Variants in MLYCD observed in about 807,000 individuals in gnomAD.
The protein encoded by MLYCD is malonyl-CoA decarboxylase, also known as malonyl-CoA decarboxylase, mitochondrial.
A neutral mutation model predicts 35.8 loss-of-function variants in MLYCD; 27 were observed. The ratio of observed to expected loss-of-function variants is 0.75; its 90% CI spans 0.56 to 1.04. The LOEUF is 1.04. Ranked by LOEUF, MLYCD falls within the 50% of genes least tolerant of loss-of-function variation. The probability of loss-of-function intolerance (pLI) is 0.00; values close to 1 mark genes in which losing one functional copy is unlikely to be tolerated. For synonymous variants in MLYCD, 403 were observed against 302.4 expected, an observed-to-expected ratio of 1.33 and a Z score of -3.45; for missense variants, 917 against 665.1, an observed-to-expected ratio of 1.38 and a Z score of -4.17.
Position 83,915,095 on chromosome 16 carries a change from T to A in MLYCD, c.1088T>A (p.Ile363Asn), listed in dbSNP as rs748788635. ...ELFTDSECKEISEITGGPINE... is the reference protein window; with the variant it reads ...ELFTDSECKENSEITGGPINE... ...TTTACAGATTCGGAATGTAAGGAAA[T>A]CTCGGAGATCACAGGTGGCCCCATT... The change falls in exon 5 of 5, where the codon ATC (isoleucine) becomes AAC (asparagine). Residue 363 changes from isoleucine to asparagine, a missense_variant. Physicochemically the swap from Ile to Asn is moderately radical, Grantham distance 149. Coordinates refer to ENST00000262430, the MANE Select transcript of MLYCD (RefSeq NM_012213.3). The A allele has an allele frequency of 6.2e-7, 1 of 1,614,206 alleles. No individual in the cohort carries two copies. The highest frequency in any genetic ancestry group is 2.2e-5 in the East Asian group (1 of 44,882).
rs1490881076 is a variant in MLYCD at position 83,919,390 on chromosome 16, G to C, written c.*3901G>C. 6.8e-6 allele frequency: 1 copy of C among 147,782 alleles called. No homozygotes were observed. The highest frequency in any genetic ancestry group is 2.1e-4 in the East Asian group (1 of 4,768). The allele number at this position is 147,782 out of a possible 1,614,324, so 9.2% of individuals were successfully genotyped here. ...AGTGCACAGGAGAACACAGTGCACAGGAGAACACACACTGCACAGAACAAA... is the reference window on the plus strand; with the variant it reads ...AGTGCACAGGAGAACACAGTGCACACGAGAACACACACTGCACAGAACAAA... On this transcript the variant is annotated 3_prime_UTR_variant, in exon 5 of 5. Coordinates refer to ENST00000262430, the MANE Select transcript of MLYCD (RefSeq NM_012213.3).
intron 1 of MLYCD, among the ~76,000 whole-genome samples, chr16:83,904,385 G>A (rs2151055613): frequency 6.6e-6 from 1 of 152,246 alleles, no homozygotes; most frequent in East Asian, 1.9e-4. Context: ...AGGGCCTATG[G>A]TTTTTAGCAC....
At chr16:83,907,431 C>T (rs1907020069) in intron 2 of MLYCD, among the ~76,000 whole-genome samples, 1 of 152,184 alleles carries the variant, frequency 6.6e-6, no homozygotes, top group African/African-American at 2.4e-5. Context: ...ACTCACTGGA[C>T]CAAGCGTTTG....
At chr16:83,909,352 C>T (rs998672082) in intron 3 of MLYCD, among the ~76,000 whole-genome samples, 2 of 152,110 alleles carry the variant, frequency 1.3e-5, no homozygotes, top group Admixed American at 1.3e-4. Context: ...AGAATGGGCT[C>T]CAGGAGGGCG....
rs146465073 is a variant in MLYCD, at chr16:83,912,348, G to A, written c.929G>A (p.Arg310Gln). The change falls in exon 4 of 5, where the codon CGA becomes CAA. Residue 310 changes from arginine to glutamine, a missense_variant. Physicochemically the swap from Arg to Gln is conservative, Grantham distance 43 (BLOSUM62 1). Transcript: ENST00000262430. ...GVELGTFLIKRVVKELQREFP... is the reference protein window; with the variant it reads ...GVELGTFLIKQVVKELQREFP... ...GAGCTGGGAACATTCCTCATAAAGCGAGTCGTCAAGGAGTTGCAGGTAAGC... is the reference window on the plus strand; with the variant it reads ...GAGCTGGGAACATTCCTCATAAAGCAAGTCGTCAAGGAGTTGCAGGTAAGC... 202 of 1,614,164 alleles carry A rather than the reference G, an allele frequency of 1.3e-4. 1 individual carries two copies. In the African/African-American group the frequency reaches 1.8e-3, roughly 15 times the overall value.
intron 3 of MLYCD, chr16:83,911,809 C>T (rs1279283964): frequency 3.6e-5 from 9 of 249,136 alleles, no homozygotes; most frequent in East Asian, 1.0e-4. Flanking sequence ...TGGTGGGAAA[C>T]GTCAGTCCTT....
chr16:83,920,218 C>G lies in MLYCD; in HGVS notation c.*4729C>G, dbSNP rs1419711199. ...TTGCAATTCCAGGGAGCTCCCTGGC[C>G]TCCCACAGCCATTCATAGAGCCCAT... On this transcript the variant is annotated 3_prime_UTR_variant, in exon 5 of 5. Transcript: ENST00000262430. 1.3e-5 allele frequency: 2 copies of G among 152,180 alleles called. No homozygotes were observed. The highest frequency in any genetic ancestry group is 2.9e-5 in the Non-Finnish European group (2 of 68,060). 9.4% of individuals were successfully genotyped at this position (152,180 alleles called of 1,614,324 possible). A position where few individuals can be genotyped will look rare whatever the true frequency, so the allele number is the denominator to read the frequency against.
chr16:83,915,168 G>A lies in MLYCD; in HGVS notation c.1161G>A (p.Ser387=), dbSNP rs561510435. The A allele has an allele frequency of 8.7e-6, 14 of 1,614,164 alleles. No individual in the cohort carries two copies. The highest frequency in any genetic ancestry group is 6.7e-5 in the East Asian group (3 of 44,884). The change falls in exon 5 of 5, where the codon TCG becomes TCA. Residue 387 remains serine, a synonymous_variant. Transcript: ENST00000262430. ...LLLSSSEWVQ[S]EKLVRALQTP... is the part of the protein sequence containing the mutation. ...TCAGCAGCAGCGAGTGGGTGCAGTC[G>A]GAGAAGCTGGTGCGGGCGCTGCAGA...
intron 4 of MLYCD, 55 bp from the exon 5 acceptor site, chr16:83,914,901 C>G: frequency 6.2e-7 from 1 of 1,612,580 alleles, no homozygotes; most frequent in Admixed American, 1.7e-5. Context: ...TGGTAACGTA[C>G]CTGCTGAATT....
chr16:83,912,472 A>T (rs778165847), intron 4 of MLYCD, 105 bp downstream of exon 4: 195 of 1,482,188 alleles, frequency 1.3e-4, no homozygotes, highest in Non-Finnish European at 1.7e-4. Context: ...TGAAGACAGG[A>T]GCTAAAGGGA....
In MLYCD at chr16:83,916,787, C is replaced by T. The variant is rs1237873947; in HGVS notation, c.*1298C>T. ...GCACGTCTGTGTGCATGTGCACGAGCGTTCTATGTGGATCAGTGCACGCCT... is the reference window on the plus strand; with the variant it reads ...GCACGTCTGTGTGCATGTGCACGAGTGTTCTATGTGGATCAGTGCACGCCT... On this transcript the variant is annotated 3_prime_UTR_variant, in exon 5 of 5. Transcript: ENST00000262430. The T allele has an allele frequency of 4.9e-5, 6 of 123,056 alleles. No homozygotes were observed. Among genetic ancestry groups the T allele is most frequent in the Non-Finnish European group, 8.2e-5 (5 of 61,308 alleles). 7.6% of individuals were successfully genotyped at this position (123,056 alleles called of 1,614,324 possible). A position where few individuals can be genotyped will look rare whatever the true frequency, so the allele number is the denominator to read the frequency against.
At chr16:83,910,331 T>TA (rs369927461) in intron 3 of MLYCD, among the ~76,000 whole-genome samples, 2 of 151,578 alleles carry the variant, frequency 1.3e-5, no homozygotes, top group African/African-American at 2.4e-5. Flanking sequence ...TTTGAAAACT[T>TA]AAAAAAAAGA....
At chr16:83,906,138 G>C (rs1012122135) in intron 1 of MLYCD, among the ~76,000 whole-genome samples, 1 of 152,140 alleles carries the variant, frequency 6.6e-6, no homozygotes, top group African/African-American at 2.4e-5. Flanking sequence ...TGTAATCCCA[G>C]CACTTTGAGA....
chr16:83,907,581 T>A (rs9930585), intron 2 of MLYCD, among the ~76,000 whole-genome samples: 33,388 of 152,174 alleles, frequency 0.22, 4,363 homozygotes, highest in African/African-American at 0.37. Context: ...GTGCCTTCAC[T>A]ACCTTTGCAC....
intron 3 of MLYCD, among the ~76,000 whole-genome samples, chr16:83,909,484 A>G (rs1907095794): frequency 6.6e-6 from 1 of 152,124 alleles, no homozygotes; most frequent in East Asian, 1.9e-4. Context: ...AGGTTTATAG[A>G]GTAGCATGGG....
At position 83,924,741 on chromosome 16, in the gene MLYCD, G is replaced by C. The variant is rs763205707; in HGVS notation, c.*9252G>C. ...CCATTTGCAGTCTCCACCCCAGTGT[G>C]GCTCACGATGCCACCTCTCCTTGCC... On this transcript the variant is annotated 3_prime_UTR_variant, in exon 5 of 5. Transcript: ENST00000262430. The C allele has an allele frequency of 2.0e-5, 3 of 152,164 alleles. No homozygotes were observed. Among genetic ancestry groups the C allele is most frequent in the Admixed American group, 6.6e-5 (1 of 15,266 alleles). The allele number at this position is 152,164 out of a possible 1,614,324, so 9.4% of individuals were successfully genotyped here. A position where few individuals can be genotyped will look rare whatever the true frequency, so the allele number is the denominator to read the frequency against.
At chr16:83,908,714 C>T (rs937121495) in intron 3 of MLYCD, among the ~76,000 whole-genome samples, 11 of 152,122 alleles carry the variant, frequency 7.2e-5, no homozygotes, top group Non-Finnish European at 8.8e-5. Flanking sequence ...TGATGTGGGC[C>T]GAGGACACTC....
At chr16:83,900,012 G>A (rs1597286508) in intron 1 of MLYCD, among the ~76,000 whole-genome samples, 1 of 152,210 alleles carries the variant, frequency 6.6e-6, no homozygotes, top group Non-Finnish European at 1.5e-5. Context: ...TAGCTGAGAA[G>A]TGTTTCATCT....
At chr16:83,905,853 G>C (rs1025550590) in intron 1 of MLYCD, among the ~76,000 whole-genome samples, 1 of 152,242 alleles carries the variant, frequency 6.6e-6, no homozygotes. Context: ...GGAACAACAA[G>C]CTGTGGCTGT....
Sources: allele counts gnomAD v4.1 joint callset (sites outside exome capture counted in the v4.1 genomes callset), GRCh38; gene constraint gnomAD v4.1.1; transcripts MANE v1.5; gene names NCBI Gene and HGNC (gene_info 2026-07-23, HGNC 2026-07-21).